The following PLLP variants were observed in gnomAD, a reference collection of about 807,000 sequenced individuals.
PLLP encodes the protein plasmolipin.
PLLP carries 15 observed loss-of-function variants against 19.7 expected under a neutral mutation model. The observed-to-expected ratio is 0.76, with a 90% CI of 0.51 to 1.17. The LOEUF is 1.17. PLLP is among the 50% of genes most tolerant of loss of function. The probability of loss-of-function intolerance (pLI) is 0.00; values close to 1 mark genes in which losing one functional copy is unlikely to be tolerated. For synonymous variants in PLLP, 111 were observed against 116.3 expected (o/e 0.95, Z 0.29); for missense variants, 255 against 258.3 (o/e 0.99, Z 0.09).
intron 1 of PLLP, 30 bp downstream of exon 1, chr16:57,284,376 C>T: frequency 7.4e-7 from 1 of 1,345,956 alleles, no homozygotes; most frequent in Non-Finnish European, 9.5e-7. Flanking sequence ...GAGCCCCCGG[C>T]CAACCCCGTG....
intron 1 of PLLP, among the ~76,000 whole-genome samples, chr16:57,282,906 C>T (rs774430218): frequency 3.9e-5 from 6 of 152,168 alleles, no homozygotes; most frequent in Admixed American, 2.0e-4. Context: ...TCTGCCCTTT[C>T]GCACCACTTC....
intron 1 of PLLP, among the ~76,000 whole-genome samples, chr16:57,277,360 C>T (rs1227819538): frequency 1.3e-5 from 2 of 152,190 alleles, no homozygotes; most frequent in African/African-American, 4.8e-5. Context: ...GAGGCCGAGG[C>T]GGGCGGATCA....
intron 1 of PLLP, among the ~76,000 whole-genome samples, chr16:57,274,690 C>T (rs1381399971): frequency 2.0e-5 from 3 of 151,594 alleles, no homozygotes; most frequent in Admixed American, 1.3e-4. Flanking sequence ...TGACCTCAGG[C>T]GATCTGCCTG....
In PLLP at chr16:57,281,796, C is replaced by T. The variant is rs191755892; in HGVS notation, c.135+2610G>A. On this transcript the variant is annotated intron_variant, in intron 1 of 3. Transcript: ENST00000219207. The stretch of plus-strand genomic sequence containing the variant: ...AAAGTGCTGGGATTACAGGCGTGAG[C>T]CACCACACCTGGCCCCAACAAGCAG... 5.7e-4 allele frequency among the ~76,000 whole-genome samples: 87 copies of T among 152,230 alleles called. 1 individual carries two copies. Among genetic ancestry groups the T allele is most frequent in the Admixed American group, 4.6e-3 (71 of 15,274 alleles).
In PLLP at chr16:57,284,449, C is replaced by T. The variant is rs1901257604; in HGVS notation, c.92G>A (p.Gly31Asp). 2.1e-6 allele frequency: 3 copies of T among 1,404,862 alleles called. No individual in the cohort carries two copies. Among genetic ancestry groups the T allele is most frequent in the Non-Finnish European group, 2.8e-6 (3 of 1,075,638 alleles). 87.0% of individuals were successfully genotyped at this position (1,404,862 alleles called of 1,614,324 possible). A position where few individuals can be genotyped will look rare whatever the true frequency, so the allele number is the denominator to read the frequency against. ...ASVSALRPDLGFVRSRLGALM... is the reference protein window; with the variant it reads ...ASVSALRPDLDFVRSRLGALM... ...CGCCCCGAGGCGGGAGCGCACGAAGCCCAGGTCCGGGCGCAGCGCCGACAC... is the reference window on the plus strand; with the variant it reads ...CGCCCCGAGGCGGGAGCGCACGAAGTCCAGGTCCGGGCGCAGCGCCGACAC... Residue 31 changes from glycine (G) to aspartate (D), a missense_variant, in exon 1 of 4, where the codon GGC becomes GAC. Physicochemically the swap from Gly to Asp is moderately conservative, Grantham distance 94. Transcript: ENST00000219207.
In PLLP at chr16:57,272,904, C is replaced by T. The variant is rs929354332; in HGVS notation, c.136-10834G>A. ...CCCAGGAGGTCAAGGCTGCAGTAAG[C>T]CATGATCACACTACTGCACTCCAGC... is the stretch of plus-strand genomic sequence containing the variant. On this transcript the variant is annotated intron_variant, in intron 1 of 3. Transcript: ENST00000219207. Among the ~76,000 whole-genome samples, 6 of 151,824 alleles carry T rather than the reference C, an allele frequency of 4.0e-5. No homozygotes were observed. The East Asian group carries it at 1.2e-3, about 29-fold the overall frequency.
intron 1 of PLLP, among the ~76,000 whole-genome samples, chr16:57,274,620 T>C (rs538364012): frequency 6.6e-6 from 1 of 151,018 alleles, no homozygotes; most frequent in African/African-American, 2.4e-5. Flanking sequence ...GCCAGGCTAT[T>C]TTTTGTCTTT....
At chr16:57,272,739 C>T (rs1379858276) in intron 1 of PLLP, among the ~76,000 whole-genome samples, 1 of 151,328 alleles carries the variant, frequency 6.6e-6, no homozygotes, top group African/African-American at 2.4e-5. Context: ...AACGCTTGAG[C>T]CCAGGAATTT....
intron 1 of PLLP, among the ~76,000 whole-genome samples, chr16:57,283,047 T>C (rs1368406360): frequency 6.6e-6 from 1 of 152,030 alleles, no homozygotes; most frequent in Non-Finnish European, 1.5e-5. Context: ...AATTAAATGA[T>C]TCCAGGAACT....
Position 57,284,386 on chromosome 16 carries a change from G to A in PLLP, c.135+20C>T. 7.3e-7 allele frequency: 1 copy of A among 1,368,110 alleles called. No individual in the cohort carries two copies. The highest frequency in any genetic ancestry group is 9.4e-7 in the Non-Finnish European group (1 of 1,058,428). The allele number at this position is 1,368,110 out of a possible 1,614,324, so 84.7% of individuals were successfully genotyped here. Reference sequence around the variant, plus strand: ...ACCGGGAGCCCCCGGCCAACCCCGTGGGCCCGCGCGTGCTCTCACCAGCTG... The same window carrying A: ...ACCGGGAGCCCCCGGCCAACCCCGTAGGCCCGCGCGTGCTCTCACCAGCTG... On this transcript the variant is annotated intron_variant, in intron 1 of 3. Transcript: ENST00000219207.
At chr16:57,284,234 G>C (rs528377461) in intron 1 of PLLP, among the ~76,000 whole-genome samples, 172 bp downstream of exon 1, 1 of 152,312 alleles carries the variant, frequency 6.6e-6, no homozygotes, top group African/African-American at 2.4e-5. Flanking sequence ...GCGATCTTGG[G>C]GGCGTCCGTG....
intron 1 of PLLP, among the ~76,000 whole-genome samples, chr16:57,284,120 G>GGGGGCACGAT (rs1449270437): frequency 6.6e-6 from 1 of 152,186 alleles, no homozygotes; most frequent in Non-Finnish European, 1.5e-5. Context: ...CCACCTTGGA[G>GGGGGCACGAT]GGGGCACGAT....
chr16:57,268,858 G>T (rs1301873290), intron 1 of PLLP, among the ~76,000 whole-genome samples: 1 of 152,180 alleles, frequency 6.6e-6, no homozygotes, highest in African/African-American at 2.4e-5. Flanking sequence ...TTCAAGTCAG[G>T]CCCTGGGCCT....
intron 1 of PLLP, among the ~76,000 whole-genome samples, chr16:57,281,902 G>C (rs1901224253): frequency 6.6e-6 from 1 of 152,294 alleles, no homozygotes; most frequent in African/African-American, 2.4e-5. Flanking sequence ...ACTGCAGGTA[G>C]GGAGCAAAAG....
At chr16:57,280,169 A>G (rs1901201432) in intron 1 of PLLP, among the ~76,000 whole-genome samples, 1 of 152,046 alleles carries the variant, frequency 6.6e-6, no homozygotes, top group Non-Finnish European at 1.5e-5. Flanking sequence ...TCCCACCCCC[A>G]AAGTAAACAA....
chr16:57,271,542 G>A (rs2075475878), intron 1 of PLLP, among the ~76,000 whole-genome samples: 1 of 152,076 alleles, frequency 6.6e-6, no homozygotes, highest in Admixed American at 6.6e-5. Context: ...CTACTCGGGA[G>A]GCTGAGGCAA....
intron 1 of PLLP, among the ~76,000 whole-genome samples, chr16:57,276,648 A>G (rs980448830): frequency 1.3e-5 from 2 of 151,880 alleles, no homozygotes; most frequent in African/African-American, 4.8e-5. Context: ...TTGACCTATC[A>G]TTTTGGTCTA....
intron 2 of PLLP, among the ~76,000 whole-genome samples, chr16:57,259,993 A>C (rs1468046284): frequency 6.6e-6 from 1 of 151,922 alleles, no homozygotes; most frequent in Non-Finnish European, 1.5e-5. Flanking sequence ...AAAAAAAAAA[A>C]ACTTAGGATA....
chr16:57,268,911 G>T (rs2075465868), intron 1 of PLLP, among the ~76,000 whole-genome samples: 1 of 152,170 alleles, frequency 6.6e-6, no homozygotes, highest in African/African-American at 2.4e-5. Flanking sequence ...CCTCAGGAGG[G>T]TGAGGCCTCA....
Sources: allele counts gnomAD v4.1 joint callset (sites outside exome capture counted in the v4.1 genomes callset), GRCh38; gene constraint gnomAD v4.1.1; transcripts MANE v1.5; gene names NCBI Gene and HGNC (gene_info 2026-07-23, HGNC 2026-07-21).